The following MYO9A variants were observed in gnomAD, a reference collection of about 807,000 sequenced individuals.
The protein encoded by MYO9A is unconventional myosin-IXa.
MYO9A carries 103 observed loss-of-function variants against 293.3 expected under a neutral mutation model. The observed-to-expected ratio is 0.35, with a 90% CI of 0.30 to 0.41. MYO9A has a LOEUF of 0.41. Among genes scored for constraint, MYO9A ranks in the 10% least tolerant of loss-of-function variants. The pLI, the probability that MYO9A is intolerant of heterozygous loss-of-function variation, is 1.00. For synonymous variants in MYO9A, 1,001 were observed against 1,035.7 expected, an observed-to-expected ratio of 0.97 and a Z score of 0.64; for missense variants, 2,685 against 3,033.0, an observed-to-expected ratio of 0.89 and a Z score of 2.69.
In MYO9A at chr15:72,046,249, G is replaced by C. The variant is rs866690454; in HGVS notation, c.315C>G (p.Phe105Leu). 2 of 1,613,888 alleles carry C rather than the reference G, an allele frequency of 1.2e-6. No homozygotes were observed. Among genetic ancestry groups the C allele is most frequent in the Non-Finnish European group, 1.7e-6 (2 of 1,179,802 alleles). ...CATCAAGGTTTTTCTCTCTCAGAAG[G>C]AAGCGGTAGTCCTCTCCACTTAAGC... ...ENRLSGEDYR[F>L]LLREKNLDGS... Residue 105 changes from phenylalanine to leucine, a missense_variant, in exon 2 of 42, where the codon TTC becomes TTG. Physicochemically the swap from Phe to Leu is conservative, Grantham distance 22. Transcript: ENST00000356056.
chr15:72,008,448 T>A (rs915775919), intron 7 of MYO9A, among the ~76,000 whole-genome samples: 1 of 150,322 alleles, frequency 6.7e-6, no homozygotes, highest in Non-Finnish European at 1.5e-5. Flanking sequence ...TGTGTGTGTG[T>A]GTGTGTGTGT....
At chr15:72,050,148 T>C (rs900188601) in intron 1 of MYO9A, among the ~76,000 whole-genome samples, 3 of 151,840 alleles carry the variant, frequency 2.0e-5, no homozygotes, top group Non-Finnish European at 2.9e-5. Context: ...GCTTTGTGGG[T>C]TTTTTTGTTT....
chr15:71,840,842 A>T (rs1223241861), intron 39 of MYO9A, among the ~76,000 whole-genome samples: 3 of 152,210 alleles, frequency 2.0e-5, no homozygotes, highest in African/African-American at 4.8e-5. Context: ...CACGTTAGCC[A>T]GGATGGTCTC....
chr15:71,946,988 G>A (rs189527172), intron 15 of MYO9A, among the ~76,000 whole-genome samples: 1 of 152,288 alleles, frequency 6.6e-6, no homozygotes, highest in Admixed American at 6.5e-5. Context: ...ATGGTGGCAT[G>A]CACCTGTAGA....
intron 19 of MYO9A, among the ~76,000 whole-genome samples, chr15:71,906,827 G>A (rs1231581850): frequency 2.3e-5 from 3 of 131,610 alleles, no homozygotes; most frequent in African/African-American, 8.6e-5. Context: ...GCAGTGGCAC[G>A]ATCTCGGCCT....
At chr15:71,890,628 GT>G (rs1251273229) in intron 26 of MYO9A, 1 of 152,138 alleles carries the variant, frequency 6.6e-6, no homozygotes, top group Non-Finnish European at 1.5e-5. Context: ...AAACGGCAGC[GT>G]TTGAAGTAAG....
At chr15:72,049,755 T>C (rs548720041) in intron 1 of MYO9A, among the ~76,000 whole-genome samples, 13 of 152,360 alleles carry the variant, frequency 8.5e-5, no homozygotes, top group Admixed American at 7.8e-4. Context: ...AGAATCTAAC[T>C]AATCATCTAA....
rs2054307217 is a variant in MYO9A, at chr15:71,822,303, C to G, written c.*4277G>C. 6.6e-6 allele frequency: 1 copy of G among 152,160 alleles called. No individual in the cohort carries two copies. Among genetic ancestry groups the G allele is most frequent in the Non-Finnish European group, 1.5e-5 (1 of 68,044 alleles). The allele number at this position is 152,160 out of a possible 1,614,324, so 9.4% of individuals were successfully genotyped here. ...CCACACATATTGCTGCTTCTGGAAG[C>G]TTTGTTCTTTAATGAGCCATGGGGT... is the stretch of plus-strand genomic sequence containing the variant. On this transcript the variant is annotated 3_prime_UTR_variant, in exon 42 of 42. Coordinates refer to ENST00000356056, the MANE Select transcript of MYO9A (RefSeq NM_006901.4).
At chr15:71,965,438 A>G (rs2075848201) in intron 13 of MYO9A, among the ~76,000 whole-genome samples, 1 of 152,142 alleles carries the variant, frequency 6.6e-6, no homozygotes, top group South Asian at 2.1e-4. Flanking sequence ...TTTGCTTTAT[A>G]TATTTTAAAT....
chr15:71,847,409 A>G (rs946599310), intron 39 of MYO9A: 3 of 453,956 alleles, frequency 6.6e-6, no homozygotes, highest in Non-Finnish European at 1.3e-5. Context: ...CATTATTAAT[A>G]CATACCGAGA....
At chr15:72,023,538 C>CA (rs1205776757) in intron 4 of MYO9A, among the ~76,000 whole-genome samples, 6 of 150,992 alleles carry the variant, frequency 4.0e-5, no homozygotes, top group East Asian at 1.9e-4. Context: ...ACTAAAATTA[C>CA]AAAAAAAATA....
chr15:71,971,918 C>A (rs867638391), intron 12 of MYO9A, among the ~76,000 whole-genome samples: 3 of 152,060 alleles, frequency 2.0e-5, no homozygotes, highest in South Asian at 4.1e-4. Flanking sequence ...GAGCAGGCCT[C>A]AGGAAACAGA....
intron 14 of MYO9A, among the ~76,000 whole-genome samples, chr15:71,956,481 A>C (rs1263594064): frequency 6.7e-6 from 1 of 148,700 alleles, no homozygotes; most frequent in African/African-American, 2.5e-5. Flanking sequence ...TCTACTAAAA[A>C]TACAAAAATA....
chr15:72,045,012 C>A (rs2078340250), intron 2 of MYO9A, among the ~76,000 whole-genome samples: 1 of 152,078 alleles, frequency 6.6e-6, no homozygotes, highest in Admixed American at 6.5e-5. Flanking sequence ...AAAATAATGT[C>A]TACACTTCTA....
At chr15:72,006,502 T>A (rs752438695) in intron 8 of MYO9A, among the ~76,000 whole-genome samples, 1 of 152,250 alleles carries the variant, frequency 6.6e-6, no homozygotes, top group Admixed American at 6.5e-5. Flanking sequence ...AATCTATATA[T>A]CTACTAAAAA....
chr15:71,936,937 GAA>G (rs918074881), intron 16 of MYO9A, among the ~76,000 whole-genome samples: 1 of 102,870 alleles, frequency 9.7e-6, no homozygotes, highest in African/African-American at 3.5e-5. Flanking sequence ...TCTGGCTTTA[GAA>G]AAAAAAAAAA....
intron 1 of MYO9A, among the ~76,000 whole-genome samples, chr15:72,048,413 A>T (rs1389750175): frequency 6.6e-6 from 1 of 152,064 alleles, no homozygotes; most frequent in East Asian, 1.9e-4. Context: ...AAAAAAAATT[A>T]AAAAAGAAAT....
intron 27 of MYO9A, among the ~76,000 whole-genome samples, chr15:71,885,486 G>A (rs766212199): frequency 5.9e-5 from 9 of 151,872 alleles, no homozygotes; most frequent in Non-Finnish European, 1.3e-4. Context: ...AAATGTATTA[G>A]GTACTTTATC....
At chr15:71,860,409 G>C (rs1449998292) in intron 33 of MYO9A, among the ~76,000 whole-genome samples, 1 of 152,210 alleles carries the variant, frequency 6.6e-6, no homozygotes, top group Non-Finnish European at 1.5e-5. Flanking sequence ...TAATTTAGAG[G>C]AGTGGTGATA....
Sources: gnomAD v4.1 joint callset for allele counts (sites outside exome capture counted in the v4.1 genomes callset) on GRCh38, gnomAD v4.1.1 for gene constraint, MANE v1.5 for transcripts, NCBI Gene and HGNC (gene_info 2026-07-23, HGNC 2026-07-21) for gene names.